The following NAV3 variants were observed in gnomAD, a reference collection of about 807,000 sequenced individuals.
The protein encoded by NAV3 is pore membrane and/or filament interacting like protein 1.
In NAV3, 87 loss-of-function variants were observed where a neutral mutation model predicts 244.7. The observed-to-expected ratio is 0.36, with a 90% CI of 0.30 to 0.42. The LOEUF (loss-of-function observed/expected upper bound fraction) is 0.42, where lower values mean the gene tolerates loss of function less well. NAV3 is among the 20% of genes least tolerant of loss of function. The probability of loss-of-function intolerance (pLI) is 1.00; values close to 1 mark genes in which losing one functional copy is unlikely to be tolerated. For synonymous variants in NAV3, 1,126 were observed against 1,042.2 expected, an observed-to-expected ratio of 1.08 and a Z score of -1.55; for missense variants, 2,663 against 2,893.3, an observed-to-expected ratio of 0.92 and a Z score of 1.83.
Position 77,653,791 on chromosome 12 carries a change from C to T in NAV3, c.72+81525C>T, listed in dbSNP as rs1016488093. On this transcript the variant is annotated intron_variant, in intron 2 of 8. Coordinates refer to the NAV3 transcript ENST00000550042. ...ATGGAAATATATTCTTACATATAAA[C>T]ACATATAATATACACAAATGCATTA... Among the ~76,000 whole-genome samples the T allele has an allele frequency of 2.0e-5, 3 of 151,966 alleles. No individual in the cohort carries two copies. In the East Asian group the frequency reaches 5.8e-4, roughly 29 times the overall value.
At chr12:77,980,859 A>G (rs553647765) in intron 5 of NAV3, among the ~76,000 whole-genome samples, 68 of 152,296 alleles carry the variant, frequency 4.5e-4, no homozygotes, top group African/African-American at 1.6e-3. Context: ...TGACATTCCT[A>G]AAAGAGCAAG....
chr12:78,067,468 T>C (rs557985601), intron 12 of NAV3, among the ~76,000 whole-genome samples: 1 of 152,218 alleles, frequency 6.6e-6, no homozygotes, highest in Non-Finnish European at 1.5e-5. Flanking sequence ...ATTGCAAGAA[T>C]ATGAACAGGT....
intron 12 of NAV3, among the ~76,000 whole-genome samples, chr12:78,074,816 A>G (rs1448284922): frequency 2.0e-5 from 3 of 152,228 alleles, no homozygotes; most frequent in South Asian, 2.1e-4. Context: ...GTAGGGATGA[A>G]TATGAAGTAA....
At chr12:77,737,759 G>A (rs2137374846) in intron 2 of NAV3, among the ~76,000 whole-genome samples, 1 of 152,184 alleles carries the variant, frequency 6.6e-6, no homozygotes, top group Middle Eastern at 3.4e-3. Context: ...TTCAACAGTT[G>A]GTCTACCTTC....
intron 22 of NAV3, among the ~76,000 whole-genome samples, chr12:78,158,118 C>G (rs1957383695): frequency 6.6e-6 from 1 of 152,116 alleles, no homozygotes. Flanking sequence ...CATTTCCACT[C>G]TGCTATAAGT....
intron 1 of NAV3, among the ~76,000 whole-genome samples, chr12:77,863,297 G>A (rs1214201048): frequency 6.6e-6 from 1 of 151,774 alleles, no homozygotes; most frequent in Non-Finnish European, 1.5e-5. Context: ...ACAATAAACC[G>A]TCTATATTTG....
intron 2 of NAV3, among the ~76,000 whole-genome samples, chr12:77,756,297 G>A (rs1448338065): frequency 1.3e-5 from 2 of 152,126 alleles, no homozygotes; most frequent in East Asian, 3.8e-4. Context: ...ATAAGCTTTA[G>A]CCTATGGCTC....
intron 5 of NAV3, among the ~76,000 whole-genome samples, chr12:77,993,606 G>C (rs1194977708): frequency 6.6e-6 from 1 of 152,134 alleles, no homozygotes; most frequent in Non-Finnish European, 1.5e-5. Flanking sequence ...CCTCAAGCCA[G>C]GCAATTTTAA....
intron 1 of NAV3, among the ~76,000 whole-genome samples, chr12:77,843,397 T>TTG (rs58382126): frequency 0.012 from 1,716 of 147,894 alleles, 14 homozygotes; most frequent in African/African-American, 0.033. Context: ...TGTTAATCAT[T>TTG]TGTGTGTGTG....
At chr12:77,907,921 T>G (rs1200830323) in intron 1 of NAV3, among the ~76,000 whole-genome samples, 1 of 152,090 alleles carries the variant, frequency 6.6e-6, no homozygotes, top group Non-Finnish European at 1.5e-5. Context: ...TGTGTGGATG[T>G]TTATCAACTT....
intron 24 of NAV3, among the ~76,000 whole-genome samples, chr12:78,174,764 C>T (rs753855122): frequency 1.2e-4 from 18 of 152,022 alleles, no homozygotes; most frequent in Non-Finnish European, 2.2e-4. Context: ...GGCCAAGTTA[C>T]TTAACTTCTT....
chr12:77,663,876 A>G (rs760388040), intron 2 of NAV3, among the ~76,000 whole-genome samples: 22 of 152,206 alleles, frequency 1.4e-4, no homozygotes, highest in Admixed American at 6.5e-4. Flanking sequence ...CTGTATATCT[A>G]TGTATATAGT....
intron 2 of NAV3, among the ~76,000 whole-genome samples, chr12:77,815,765 G>C (rs968431489): frequency 6.6e-6 from 1 of 152,004 alleles, no homozygotes; most frequent in Non-Finnish European, 1.5e-5. Flanking sequence ...ACAGTACACT[G>C]TAATTTTTAG....
intron 39 of NAV3, among the ~76,000 whole-genome samples, chr12:78,208,880 G>A (rs1173442401): frequency 6.6e-6 from 1 of 151,994 alleles, no homozygotes; most frequent in African/African-American, 2.4e-5. Flanking sequence ...TGAACATACA[G>A]GCAGCTGCTA....
At position 78,095,064 on chromosome 12, in the gene NAV3, T is replaced by TATATATAC. The variant is rs1272776469; in HGVS notation, c.2637-21707_2637-21706insTATATACA. Among the ~76,000 whole-genome samples, 843 of 137,534 alleles carry TATATATAC rather than the reference T, an allele frequency of 6.1e-3. 8 individuals carry two copies. Among genetic ancestry groups the TATATATAC allele is most frequent in the African/African-American group, 0.022 (795 of 36,546 alleles). The allele number at this position is 137,534 out of a possible 152,430, so 90.2% of individuals were successfully genotyped here. A position where few individuals can be genotyped will look rare whatever the true frequency, so the allele number is the denominator to read the frequency against. ...ATCAAATTATATATATATATATATA[T>TATATATAC]ACACACACACACACACACACACACA... is the stretch of plus-strand genomic sequence containing the variant. On this transcript the variant is annotated intron_variant, in intron 12 of 39. Transcript: ENST00000397909.
intron 2 of NAV3, among the ~76,000 whole-genome samples, chr12:77,702,362 C>T (rs1274933193): frequency 2.6e-5 from 4 of 152,062 alleles, no homozygotes; most frequent in South Asian, 2.1e-4. Context: ...AAGTCTATCT[C>T]GCAGAGGATA....
chr12:77,669,140 A>G (rs1348359178), intron 2 of NAV3, among the ~76,000 whole-genome samples: 2 of 152,170 alleles, frequency 1.3e-5, no homozygotes, highest in African/African-American at 4.8e-5. Context: ...TCTTTTCCAA[A>G]ACAAATGCTG....
At chr12:77,736,280 C>A (rs149453558) in intron 2 of NAV3, among the ~76,000 whole-genome samples, 1 of 152,168 alleles carries the variant, frequency 6.6e-6, no homozygotes, top group Non-Finnish European at 1.5e-5. Context: ...ATACAAAAAC[C>A]CTTTCCGGAG....
intron 2 of NAV3, among the ~76,000 whole-genome samples, chr12:77,814,580 A>G (rs1206004092): frequency 6.6e-6 from 1 of 152,170 alleles, no homozygotes; most frequent in African/African-American, 2.4e-5. Context: ...AGAAGGGCAC[A>G]ATAAACATCC....
Sources: allele counts gnomAD v4.1 joint callset (sites outside exome capture counted in the v4.1 genomes callset), GRCh38; gene constraint gnomAD v4.1.1; transcripts MANE v1.5; gene names NCBI Gene and HGNC (gene_info 2026-07-23, HGNC 2026-07-21).